The following KIF6 variants were observed in gnomAD, a reference collection of about 807,000 sequenced individuals.
KIF6 encodes kinesin-like protein KIF6.
In KIF6, 106 loss-of-function variants were observed where a neutral mutation model predicts 112.7. The ratio of observed to expected loss-of-function variants is 0.94; its 90% CI spans 0.80 to 1.11. KIF6 has a LOEUF of 1.11. Among genes scored for constraint, KIF6 ranks in the 50% least tolerant of loss-of-function variants. The pLI, the probability that KIF6 is intolerant of heterozygous loss-of-function variation, is 0.00. For missense variants in KIF6, 929 were observed against 964.0 expected (o/e 0.96, Z 0.48); for synonymous variants, 339 against 339.9 (o/e 1.00, Z 0.03).
intron 13 of KIF6, among the ~76,000 whole-genome samples, chr6:39,504,459 C>T (rs1776325181): frequency 6.6e-6 from 1 of 152,200 alleles, no homozygotes; most frequent in Non-Finnish European, 1.5e-5. Context: ...TGTCCTCTGT[C>T]ACCACTCCTA....
chr6:39,335,685 G>C lies in KIF6; in HGVS notation c.*847C>G, dbSNP rs1243462225. On this transcript the variant is annotated 3_prime_UTR_variant, in exon 23 of 23. Transcript: ENST00000287152. Reference sequence around the variant, plus strand: ...CTTGAGGGCTGCCCACCTTCCCTTGGATCTGTCATGGAGAGGGCCCATGGA... The same window carrying C: ...CTTGAGGGCTGCCCACCTTCCCTTGCATCTGTCATGGAGAGGGCCCATGGA... 6.6e-6 allele frequency: 1 copy of C among 152,094 alleles called. No homozygotes were observed. The highest frequency in any genetic ancestry group is 6.5e-5 in the Admixed American group (1 of 15,274). The allele number at this position is 152,094 out of a possible 1,614,324, so 9.4% of individuals were successfully genotyped here.
chr6:39,575,897 A>C (rs1485319072), intron 10 of KIF6, among the ~76,000 whole-genome samples: 1 of 152,152 alleles, frequency 6.6e-6, no homozygotes, highest in Admixed American at 6.5e-5. Context: ...TCGGTCCCTC[A>C]GGAATTCCTT....
intron 22 of KIF6, among the ~76,000 whole-genome samples, chr6:39,336,966 TTCTTTCTC>T (rs1468177495): frequency 2.0e-5 from 3 of 148,990 alleles, no homozygotes; most frequent in Non-Finnish European, 4.4e-5. Flanking sequence ...TTCTCTTTCA[TTCTTTCTC>T]TCTTTCTCTC....
chr6:39,657,312 C>T (rs1463861210), intron 3 of KIF6, among the ~76,000 whole-genome samples: 3 of 151,288 alleles, frequency 2.0e-5, no homozygotes, highest in Admixed American at 1.3e-4. Context: ...AAGCCTAGGT[C>T]AGGGTAACTA....
Position 39,346,497 on chromosome 6 carries a change from C to A in KIF6, c.2210G>T (p.Gly737Val), listed in dbSNP as rs1238517364. The change falls in exon 20 of 23, where the codon GGC (glycine) becomes GTC (valine). Residue 737 changes from glycine (G) to valine (V), a missense_variant. Gly to Val is a moderately radical substitution (Grantham distance 109). Coordinates refer to ENST00000287152, the MANE Select transcript of KIF6 (RefSeq NM_145027.6). The part of the protein sequence containing the change: ...SSGGWEVQDQ[G>V]TGRFDVCDVN... Reference sequence around the variant, plus strand: ...TCACCAGACATCGAATCTGCCAGTGCCTTGATCTTGGACTTCCCAGCCTCC... The same window carrying A: ...TCACCAGACATCGAATCTGCCAGTGACTTGATCTTGGACTTCCCAGCCTCC... 1.4e-6 allele frequency: 1 copy of A among 715,162 alleles called. No individual in the cohort carries two copies. The highest frequency in any genetic ancestry group is 1.5e-5 in the South Asian group (1 of 67,398). 44.3% of individuals were successfully genotyped at this position (715,162 alleles called of 1,614,324 possible). A position where few individuals can be genotyped will look rare whatever the true frequency, so the allele number is the denominator to read the frequency against.
chr6:39,642,588 G>A (rs1784964277), intron 3 of KIF6, among the ~76,000 whole-genome samples: 1 of 152,096 alleles, frequency 6.6e-6, no homozygotes, highest in Non-Finnish European at 1.5e-5. Flanking sequence ...AGTTCACTCA[G>A]TGTGAGCAGC....
intron 4 of KIF6, among the ~76,000 whole-genome samples, 200 bp from the exon 5 acceptor site, chr6:39,635,158 T>C (rs1310640521): frequency 6.6e-6 from 1 of 152,018 alleles, no homozygotes; most frequent in African/African-American, 2.4e-5. Flanking sequence ...CCAACACCCA[T>C]GATTACAAGC....
rs1156598531 is a variant in KIF6, at chr6:39,334,087, A to G, written c.*2445T>C. The G allele has an allele frequency of 2.0e-5, 3 of 152,276 alleles. No homozygotes were observed. The highest frequency in any genetic ancestry group is 3.8e-4 in the East Asian group (2 of 5,200). 9.4% of individuals were successfully genotyped at this position (152,276 alleles called of 1,614,324 possible). A position where few individuals can be genotyped will look rare whatever the true frequency, so the allele number is the denominator to read the frequency against. ...GTTCGGAGCAAAAGGCCCCTTGGCC[A>G]GTTGCTGCACACACTTTGCATATGC... On this transcript the variant is annotated 3_prime_UTR_variant, in exon 23 of 23. Transcript: ENST00000287152.
intron 10 of KIF6, among the ~76,000 whole-genome samples, chr6:39,564,503 C>T (rs1582145379): frequency 6.6e-6 from 1 of 152,150 alleles, no homozygotes; most frequent in Non-Finnish European, 1.5e-5. Flanking sequence ...TGAGATCAGT[C>T]CTTGGGCTGT....
chr6:39,435,983 G>A (rs1025111893), intron 13 of KIF6, among the ~76,000 whole-genome samples: 6 of 152,154 alleles, frequency 3.9e-5, no homozygotes, highest in Admixed American at 3.9e-4. Flanking sequence ...TCCACTAGCA[G>A]AGTATAAGCA....
intron 15 of KIF6, among the ~76,000 whole-genome samples, chr6:39,410,841 C>T (rs372796935): frequency 1.1e-4 from 16 of 152,206 alleles, no homozygotes; most frequent in East Asian, 5.8e-4. Context: ...ATTATTGCAC[C>T]TGTCCTACCT....
intron 3 of KIF6, among the ~76,000 whole-genome samples, chr6:39,675,945 A>G (rs551376607): frequency 1.3e-5 from 2 of 152,082 alleles, no homozygotes; most frequent in East Asian, 3.9e-4. Context: ...AGAGCAATAA[A>G]AAGAAAGAAA....
chr6:39,437,884 T>G (rs1209505310), intron 13 of KIF6, among the ~76,000 whole-genome samples: 1 of 152,184 alleles, frequency 6.6e-6, no homozygotes, highest in Non-Finnish European at 1.5e-5. Context: ...TGTATAAAAA[T>G]ATTGCGTATA....
At chr6:39,350,607 G>A (rs1393650407) in intron 19 of KIF6, among the ~76,000 whole-genome samples, 1 of 152,148 alleles carries the variant, frequency 6.6e-6, no homozygotes, top group Non-Finnish European at 1.5e-5. Context: ...ACGTGGGAAT[G>A]CCAACAGCGA....
At chr6:39,491,474 T>C (rs1327173557) in intron 13 of KIF6, among the ~76,000 whole-genome samples, 2 of 152,190 alleles carry the variant, frequency 1.3e-5, no homozygotes, top group Non-Finnish European at 2.9e-5. Flanking sequence ...CTGTCAGAGA[T>C]AATAATAGTA....
chr6:39,635,401 T>G (rs544151376), intron 4 of KIF6, among the ~76,000 whole-genome samples: 267 of 152,278 alleles, frequency 1.8e-3, no homozygotes, highest in African/African-American at 6.2e-3. Context: ...TTTCCATCTT[T>G]AATCATCATT....
At chr6:39,443,078 C>T (rs998248951) in intron 13 of KIF6, among the ~76,000 whole-genome samples, 13 of 149,904 alleles carry the variant, frequency 8.7e-5, no homozygotes, top group Admixed American at 2.0e-4. Context: ...CACGCCATTG[C>T]ACTCCAGCCT....
chr6:39,618,673 C>T (rs1783657318), intron 5 of KIF6, among the ~76,000 whole-genome samples: 1 of 152,102 alleles, frequency 6.6e-6, no homozygotes, highest in Admixed American at 6.6e-5. Flanking sequence ...AAAATTAATC[C>T]AATATAATGT....
chr6:39,608,086 C>A (rs1368264652), intron 6 of KIF6, among the ~76,000 whole-genome samples: 5 of 152,154 alleles, frequency 3.3e-5, no homozygotes, highest in Non-Finnish European at 7.3e-5. Context: ...AACCTATTAA[C>A]CCCAACTCAC....
Sources: allele counts gnomAD v4.1 joint callset (sites outside exome capture counted in the v4.1 genomes callset), GRCh38; gene constraint gnomAD v4.1.1; transcripts MANE v1.5; gene names NCBI Gene and HGNC (gene_info 2026-07-23, HGNC 2026-07-21).